Variants in MMD2 observed in about 807,000 individuals in gnomAD.
MMD2 encodes the protein monocyte to macrophage differentiation associated 2.
MMD2 carries 30 observed loss-of-function variants against 33.5 expected under a neutral mutation model. The observed-to-expected ratio is 0.90, with a 90% CI of 0.67 to 1.22. The LOEUF is 1.22. Ranked by LOEUF, MMD2 falls within the 50% of genes most tolerant of loss-of-function variation. The pLI, the probability that MMD2 is intolerant of heterozygous loss-of-function variation, is 0.00. For synonymous variants in MMD2, 129 were observed against 123.0 expected (o/e 1.05, Z -0.32); for missense variants, 364 against 325.4 (o/e 1.12, Z -0.91).
chr7:4,898,892 C>A, the MMD2 span, among the ~76,000 whole-genome samples: 5 of 151,658 alleles, frequency 3.3e-5, no homozygotes, highest in Non-Finnish European at 7.4e-5. Context: ...CAGTGAGACT[C>A]TGTCTCAGAA....
chr7:4,949,256 T>C (rs1057231585), intron 1 of MMD2, among the ~76,000 whole-genome samples: 4 of 152,076 alleles, frequency 2.6e-5, no homozygotes, highest in Admixed American at 6.6e-5. Context: ...CCCTGCTTGC[T>C]ATCAAATATT....
chr7:4,925,420 T>G (rs769333554), intron 2 of MMD2, 31 bp downstream of exon 2: 11 of 1,439,094 alleles, frequency 7.6e-6, no homozygotes, highest in Non-Finnish European at 8.4e-6. Context: ...TGTCCCCATC[T>G]CAGCCCTGAG....
rs781767462 is a variant in MMD2, at chr7:4,907,369, C to CA, written c.*26dup. ...AGAAACGTGCTCCACTCCTAAAGCC[C>CA]AAACGACCTCTCAAGTCTGGGTCAC... On this transcript the variant is annotated 3_prime_UTR_variant, in exon 7 of 7. Transcript: ENST00000401401. The CA allele has an allele frequency of 9.3e-6, 15 of 1,611,998 alleles. No homozygotes were observed. In the African/African-American group the frequency reaches 2.0e-4, roughly 22 times the overall value.
intron 4 of MMD2, among the ~76,000 whole-genome samples, 198 bp downstream of exon 4, chr7:4,915,807 G>A (rs903365400): frequency 6.6e-6 from 1 of 151,640 alleles, no homozygotes; most frequent in African/African-American, 2.4e-5. Flanking sequence ...CTCAAGAAGT[G>A]AGTTATTTTC....
chr7:4,956,278 T>G (rs927497859), intron 1 of MMD2, among the ~76,000 whole-genome samples: 16 of 151,704 alleles, frequency 1.1e-4, no homozygotes, highest in Admixed American at 2.6e-4. Flanking sequence ...TTTTTTTAAT[T>G]AGCCAGGCAT....
intron 1 of MMD2, among the ~76,000 whole-genome samples, chr7:4,933,644 AT>A (rs532148155): frequency 0.017 from 2,449 of 142,748 alleles, 40 homozygotes; most frequent in African/African-American, 0.037. Context: ...TAATAAATGC[AT>A]TTTTTTTTTT....
chr7:4,898,809 T>G, the MMD2 span, among the ~76,000 whole-genome samples: 1 of 151,980 alleles, frequency 6.6e-6, no homozygotes, highest in Non-Finnish European at 1.5e-5. Context: ...TGAGACAGGA[T>G]AATTGCTTGA....
rs1785881777 is a variant in MMD2, at chr7:4,940,598, C to T, written c.48-15066G>A. Among the ~76,000 whole-genome samples the T allele has an allele frequency of 6.6e-6, 1 of 152,244 alleles. No individual in the cohort carries two copies. The highest frequency in any genetic ancestry group is 6.5e-5 in the Admixed American group (1 of 15,284). ...TTGGCCCTGGCCGCTTCTTTGTGTCCATTCATGAATTCAAGGCTCCTCCTG... is the reference window on the plus strand; with the variant it reads ...TTGGCCCTGGCCGCTTCTTTGTGTCTATTCATGAATTCAAGGCTCCTCCTG... On this transcript the variant is annotated intron_variant, in intron 1 of 6. Transcript: ENST00000401401. This position sits in a 1 kb window ranked among gnomAD's most constrained non-coding sequence, Gnocchi z 5.0.
the MMD2 span, among the ~76,000 whole-genome samples, chr7:4,896,978 G>A: frequency 6.6e-6 from 1 of 151,980 alleles, no homozygotes; most frequent in Non-Finnish European, 1.5e-5. Flanking sequence ...TCCTGCCTCA[G>A]CCTCTGGAGT....
chr7:4,900,227 A>C, the MMD2 span, among the ~76,000 whole-genome samples: 1 of 152,026 alleles, frequency 6.6e-6, no homozygotes, highest in Non-Finnish European at 1.5e-5. Flanking sequence ...GCACCACTGC[A>C]CTCCAGCCTG....
chr7:4,923,831 G>C (rs1248853617), intron 2 of MMD2, among the ~76,000 whole-genome samples: 1 of 152,128 alleles, frequency 6.6e-6, no homozygotes, highest in Non-Finnish European at 1.5e-5. Flanking sequence ...GCTCAAAAGG[G>C]ACTGACTGAG....
At chr7:4,903,702 C>G (rs986316764), downstream of MMD2, among the ~76,000 whole-genome samples, 2 of 152,214 alleles carry the variant, frequency 1.3e-5, no homozygotes, top group Non-Finnish European at 2.9e-5. Context: ...GTCTACTGAG[C>G]AGGACACTGC....
chr7:4,926,265 A>AT (rs1785424481), intron 1 of MMD2, among the ~76,000 whole-genome samples: 1 of 150,698 alleles, frequency 6.6e-6, no homozygotes, highest in Non-Finnish European at 1.5e-5. Flanking sequence ...GCCCGGCTAA[A>AT]TTTTTTTGTA....
At chr7:4,945,206 C>CTTCTTCTTCTTCTT (rs1786033369) in intron 1 of MMD2, among the ~76,000 whole-genome samples, 1 of 139,982 alleles carries the variant, frequency 7.1e-6, no homozygotes, top group Non-Finnish European at 1.5e-5. Context: ...TCTTCTTCTT[C>CTTCTTCTTCTTCTT]TTCTTCTTCT....
intron 1 of MMD2, among the ~76,000 whole-genome samples, chr7:4,947,496 C>T (rs780570937): frequency 6.6e-6 from 1 of 150,650 alleles, no homozygotes; most frequent in Non-Finnish European, 1.5e-5. Context: ...CGGGTTCAAG[C>T]GATTCTCCTG....
At chr7:4,921,863 G>A (rs903095894) in intron 2 of MMD2, among the ~76,000 whole-genome samples, 6 of 152,118 alleles carry the variant, frequency 3.9e-5, no homozygotes, top group African/African-American at 9.7e-5. Context: ...GTCCATCTGC[G>A]TATGGCAGAC....
chr7:4,914,608 G>A (rs1343908983), intron 4 of MMD2, among the ~76,000 whole-genome samples: 1 of 152,112 alleles, frequency 6.6e-6, no homozygotes, highest in East Asian at 1.9e-4. Flanking sequence ...GCAGTGCCCA[G>A]TCAATCACAA....
chr7:4,934,476 G>C (rs1026561608), intron 1 of MMD2, among the ~76,000 whole-genome samples: 1 of 152,214 alleles, frequency 6.6e-6, no homozygotes, highest in Non-Finnish European at 1.5e-5. Context: ...CAGTCAGAGA[G>C]GCAGCCTCGA....
chr7:4,909,492 G>C (rs1784951475), intron 6 of MMD2, among the ~76,000 whole-genome samples: 1 of 152,038 alleles, frequency 6.6e-6, no homozygotes, highest in African/African-American at 2.4e-5. Context: ...GCCCAGGCTG[G>C]AGTGCAGTGG....
Sources: gnomAD v4.1 joint callset for allele counts (sites outside exome capture counted in the v4.1 genomes callset) on GRCh38, gnomAD v4.1.1 for gene constraint, Gnocchi (gnomAD v3.1) non-coding constraint, MANE v1.5 for transcripts, NCBI Gene and HGNC (gene_info 2026-07-23, HGNC 2026-07-21) for gene names.